Variants in ADRA1B observed in about 807,000 individuals in gnomAD.
The protein encoded by ADRA1B is alpha-1B adrenergic receptor.
A neutral mutation model predicts 17.9 loss-of-function variants in ADRA1B; 17 were observed. That is an observed-to-expected ratio of 0.95 (90% confidence interval 0.65 to 1.42). The LOEUF (loss-of-function observed/expected upper bound fraction) is 1.42, where lower values mean the gene tolerates loss of function less well. Ranked by LOEUF, ADRA1B falls within the 40% of genes most tolerant of loss-of-function variation. The pLI, the probability that ADRA1B is intolerant of heterozygous loss-of-function variation, is 0.00. For missense variants in ADRA1B, 681 were observed against 722.1 expected (o/e 0.94, Z 0.65); for synonymous variants, 366 against 327.6 (o/e 1.12, Z -1.27).
At chr5:159,977,980 TCTGA>T (rs1755997305), downstream of ADRA1B, among the ~76,000 whole-genome samples, 2 of 152,148 alleles carry the variant, frequency 1.3e-5, no homozygotes, top group Admixed American at 1.3e-4. Flanking sequence ...ATCCGATTTC[TCTGA>T]CTGTCCAGGT....
At chr5:159,973,589 A>G (rs1755927293), downstream of ADRA1B, among the ~76,000 whole-genome samples, 2 of 152,198 alleles carry the variant, frequency 1.3e-5, no homozygotes, top group Non-Finnish European at 1.5e-5. Flanking sequence ...TGGATAAGAT[A>G]TGGATCCTTG....
In ADRA1B at chr5:159,923,074, G is replaced by A. The variant is rs61488660; in HGVS notation, c.949+5220G>A. ...TGATAGAGGAAGAAAAGTGTGGGCA[G>A]GAGGAGGGGCACACTTGAAAGTCCT... On this transcript the variant is annotated intron_variant, in intron 1 of 1. Transcript: ENST00000306675. Among the ~76,000 whole-genome samples the A allele has an allele frequency of 2.0e-5, 3 of 152,384 alleles. No individual in the cohort carries two copies. In the East Asian group the frequency reaches 5.8e-4, roughly 29 times the overall value.
intron 1 of ADRA1B, among the ~76,000 whole-genome samples, chr5:159,872,382 A>G (rs1226242685): frequency 6.6e-6 from 1 of 152,206 alleles, no homozygotes; most frequent in Non-Finnish European, 1.5e-5. Flanking sequence ...CAGCTGATGC[A>G]GGAGCCTGGG....
chr5:159,981,689 G>A, the ADRA1B span, among the ~76,000 whole-genome samples: 4 of 152,054 alleles, frequency 2.6e-5, no homozygotes, highest in East Asian at 1.9e-4. Flanking sequence ...GTAGAGATGG[G>A]GTTTCACCAC....
At chr5:159,946,275 G>A (rs947688108) in intron 1 of ADRA1B, among the ~76,000 whole-genome samples, 1 of 152,152 alleles carries the variant, frequency 6.6e-6, no homozygotes, top group Non-Finnish European at 1.5e-5. Flanking sequence ...GCTTCTCCAG[G>A]ATTTATCCCA....
chr5:159,917,214 G>C lies in ADRA1B; in HGVS notation c.309G>C (p.Ala103=). The C allele has an allele frequency of 6.2e-7, 1 of 1,614,124 alleles. No homozygotes were observed. The highest frequency in any genetic ancestry group is 8.5e-7 in the Non-Finnish European group (1 of 1,180,034). Residue 103 remains alanine (A), a synonymous_variant, in exon 1 of 2, where the codon GCG becomes GCC. Transcript: ENST00000306675. The part of the protein sequence containing the change: ...LLSFTVLPFS[A]ALEVLGYWVL... Reference sequence around the variant, plus strand: ...GCTTCACCGTCCTGCCCTTCTCAGCGGCCCTAGAGGTGCTCGGCTACTGGG... The same window carrying C: ...GCTTCACCGTCCTGCCCTTCTCAGCCGCCCTAGAGGTGCTCGGCTACTGGG...
intron 1 of ADRA1B, among the ~76,000 whole-genome samples, chr5:159,885,467 G>A (rs990670974): frequency 2.0e-5 from 3 of 152,132 alleles, no homozygotes; most frequent in African/African-American, 7.2e-5. Context: ...TTGCTAATGG[G>A]ATTCTACAAA....
rs142935905 is a variant in ADRA1B at position 159,889,205 on chromosome 5, T to C, written c.-256+23999T>C. Among the ~76,000 whole-genome samples, 459 of 152,256 alleles carry C rather than the reference T, an allele frequency of 3.0e-3. 4 individuals are homozygous for C. Among genetic ancestry groups the C allele is most frequent in the African/African-American group, 0.011 (446 of 41,536 alleles). ...GGTCCAGGACCTGTGATGCACCTCA[T>C]GGAAGGGCAAGAATGGTGCTGAGAA... On this transcript the variant is annotated intron_variant, in intron 1 of 2. Coordinates refer to the ADRA1B transcript ENST00000641205.
intron 1 of ADRA1B, among the ~76,000 whole-genome samples, chr5:159,876,804 G>GATTTGTCC (rs1487370816): frequency 2.0e-5 from 3 of 152,162 alleles, no homozygotes; most frequent in Non-Finnish European, 4.4e-5. Flanking sequence ...AGTAAAGGAC[G>GATTTGTCC]ATTTGTCCCT....
chr5:159,867,427 T>C (rs1753672267), intron 1 of ADRA1B, among the ~76,000 whole-genome samples: 1 of 152,210 alleles, frequency 6.6e-6, no homozygotes, highest in South Asian at 2.1e-4. Context: ...TTATATCATG[T>C]ACAATGCAGT....
At chr5:159,914,558 GTC>G (rs1754259717), upstream of ADRA1B, among the ~76,000 whole-genome samples, 6 of 152,244 alleles carry the variant, frequency 3.9e-5, no homozygotes, top group South Asian at 1.0e-3. Context: ...TTTCAGGACT[GTC>G]TCTACCACAG....
intron 1 of ADRA1B, among the ~76,000 whole-genome samples, chr5:159,881,327 C>G (rs957426148): frequency 6.6e-6 from 1 of 151,776 alleles, no homozygotes; most frequent in Non-Finnish European, 1.5e-5. Context: ...CTCTCTCTCT[C>G]TCTCTCTCTC....
At chr5:159,904,327 G>A (rs1466054112) in intron 1 of ADRA1B, among the ~76,000 whole-genome samples, 3 of 152,188 alleles carry the variant, frequency 2.0e-5, no homozygotes, top group African/African-American at 7.2e-5. Flanking sequence ...GTCCCTTCCA[G>A]CTCTGATTCT....
intron 1 of ADRA1B, among the ~76,000 whole-genome samples, chr5:159,957,689 A>C (rs1165745770): frequency 6.6e-6 from 1 of 151,970 alleles, no homozygotes; most frequent in Non-Finnish European, 1.5e-5. Flanking sequence ...TAATCCCAGC[A>C]CTTTGGGAGG....
chr5:159,955,049 C>T (rs1472516704), intron 1 of ADRA1B: 1 of 670,090 alleles, frequency 1.5e-6, no homozygotes. Context: ...GAATGGCATG[C>T]ATTCAGCAGC....
intron 1 of ADRA1B, among the ~76,000 whole-genome samples, chr5:159,895,297 C>T (rs183036415): frequency 5.6e-4 from 86 of 152,338 alleles, no homozygotes; most frequent in African/African-American, 1.9e-3. Flanking sequence ...GTGGAATCTT[C>T]ACCTTCCAAG....
intron 1 of ADRA1B, among the ~76,000 whole-genome samples, chr5:159,884,448 C>T (rs73311425): frequency 0.088 from 13,454 of 152,206 alleles, 699 homozygotes; most frequent in African/African-American, 0.14. Flanking sequence ...CCCCCTTCCC[C>T]TCTCTTGTGT....
chr5:159,927,255 A>G (rs942573395), intron 1 of ADRA1B, among the ~76,000 whole-genome samples: 1 of 152,170 alleles, frequency 6.6e-6, no homozygotes, highest in African/African-American at 2.4e-5. Context: ...GGATATGGTC[A>G]GAGTTGATCC....
intron 1 of ADRA1B, among the ~76,000 whole-genome samples, chr5:159,892,369 G>A (rs1753991599): frequency 6.6e-6 from 1 of 152,158 alleles, no homozygotes; most frequent in South Asian, 2.1e-4. Context: ...TGCAAGATGT[G>A]CAGGTTTGTT....
Sources: gnomAD v4.1 joint callset for allele counts (sites outside exome capture counted in the v4.1 genomes callset) on GRCh38, gnomAD v4.1.1 for gene constraint, MANE v1.5 for transcripts, NCBI Gene and HGNC (gene_info 2026-07-23, HGNC 2026-07-21) for gene names.